Variants in NPAS3 observed in about 807,000 individuals in gnomAD.
The protein encoded by NPAS3 is neuronal PAS domain-containing protein 3.
Under a neutral mutation model 73.1 loss-of-function variants are expected in NPAS3, and 14 were observed. The observed-to-expected ratio is 0.19, with a 90% CI of 0.13 to 0.30. NPAS3 has a LOEUF of 0.30. NPAS3 is among the 10% of genes least tolerant of loss of function. NPAS3 has a pLI of 1.00. For missense variants in NPAS3, 1,096 were observed against 1,250.0 expected (o/e 0.88, Z 1.86); for synonymous variants, 620 against 541.5 (o/e 1.14, Z -2.01).
intron 4 of NPAS3, among the ~76,000 whole-genome samples, chr14:33,454,361 CT>C (rs1476621177): frequency 6.6e-6 from 1 of 152,146 alleles, no homozygotes; most frequent in Non-Finnish European, 1.5e-5. Context: ...AAGTAATTTG[CT>C]TTTAAACATT....
At chr14:33,214,404 A>T (rs1442247084) in intron 2 of NPAS3, 1 of 152,154 alleles carries the variant, frequency 6.6e-6, no homozygotes, top group African/African-American at 2.4e-5. Context: ...AATGTTTATA[A>T]ATTTTAATAA....
intron 1 of NPAS3, among the ~76,000 whole-genome samples, chr14:32,939,810 G>A (rs925896820): frequency 2.6e-5 from 4 of 151,778 alleles, no homozygotes; most frequent in Non-Finnish European, 4.4e-5. Context: ...GGGGAGGGAA[G>A]GCGGCGAGCA....
chr14:33,405,294 C>A (rs2047617208), intron 4 of NPAS3, among the ~76,000 whole-genome samples: 2 of 151,936 alleles, frequency 1.3e-5, no homozygotes, highest in African/African-American at 4.8e-5. Context: ...CAGGAAGAGG[C>A]CATTTCTGAA....
rs1324863469 is a variant in NPAS3 at position 33,800,516 on chromosome 14, G to T, written c.2209G>T (p.Ala737Ser). The change falls in exon 12 of 12, where the codon GCG becomes TCG. Residue 737 changes from alanine (A) to serine (S), a missense_variant. Around this residue, in one of 5 missense-constraint regions of NPAS3, gnomAD observed 698 missense variants for 676.7 expected, o/e 1.03. Coordinates refer to ENST00000356141, the Ensembl canonical transcript of NPAS3. This position sits in a 1 kb window ranked among gnomAD's most constrained non-coding sequence, Gnocchi z 6.5. ...GACTCAGTTCGGCGCCTCGGCCACC[G>T]CGGCCCTGGCCCCCGTCGCCTCCGA... The T allele has an allele frequency of 2.1e-6, 3 of 1,410,184 alleles. No individual in the cohort carries two copies. The Admixed American group carries it at 1.1e-4, about 52-fold the overall frequency. The allele number at this position is 1,410,184 out of a possible 1,614,324, so 87.4% of individuals were successfully genotyped here. A position where few individuals can be genotyped will look rare whatever the true frequency, so the allele number is the denominator to read the frequency against.
intron 6 of NPAS3, among the ~76,000 whole-genome samples, chr14:33,705,189 T>TGTTTTAGA: frequency 6.6e-6 from 1 of 152,356 alleles, no homozygotes; most frequent in East Asian, 1.9e-4. Context: ...AAACATGATC[T>TGTTTTAGA]GTTTTAGAAC....
intron 4 of NPAS3, among the ~76,000 whole-genome samples, chr14:33,529,739 A>T (rs940981956): frequency 5.9e-5 from 9 of 152,068 alleles, no homozygotes; most frequent in Admixed American, 5.9e-4. Flanking sequence ...CACCGTGAAC[A>T]TCCCCAGAAA....
In NPAS3 at chr14:33,760,062, G is replaced by A. The variant is rs192269271; in HGVS notation, c.853-14275G>A. Among the ~76,000 whole-genome samples, 4 of 152,248 alleles carry A rather than the reference G, an allele frequency of 2.6e-5. No homozygotes were observed. The East Asian group carries it at 5.8e-4, about 22-fold the overall frequency. ...GTGACCAAAACAAAACCCACCCCAAGATGTTTTGCCATCCACCTGCCCTTC... is the reference window on the plus strand; with the variant it reads ...GTGACCAAAACAAAACCCACCCCAAAATGTTTTGCCATCCACCTGCCCTTC... On this transcript the variant is annotated intron_variant, in intron 7 of 11. Transcript: ENST00000356141.
intron 5 of NPAS3, among the ~76,000 whole-genome samples, chr14:33,580,613 T>C (rs747314558): frequency 6.4e-4 from 97 of 152,204 alleles, no homozygotes; most frequent in Non-Finnish European, 9.3e-4. Context: ...GGTTGCCTGC[T>C]GCCTCATTTC....
intron 6 of NPAS3, chr14:33,680,915 GATC>G (rs1160295230): frequency 2.1e-6 from 1 of 468,678 alleles, no homozygotes. Flanking sequence ...GTGGCATTAG[GATC>G]ATCATTATAG....
At chr14:32,946,939 C>G (rs576021853) in intron 1 of NPAS3, among the ~76,000 whole-genome samples, 2 of 152,134 alleles carry the variant, frequency 1.3e-5, no homozygotes, top group Non-Finnish European at 2.9e-5. Context: ...ATATTATCAT[C>G]AGTATGCTAA....
At chr14:33,415,562 G>A (rs528443918) in intron 4 of NPAS3, among the ~76,000 whole-genome samples, 11 of 152,186 alleles carry the variant, frequency 7.2e-5, no homozygotes, top group African/African-American at 2.2e-4. Flanking sequence ...TAAATCACAT[G>A]CACCCACAAA....
In NPAS3 at chr14:33,335,989, C is replaced by T. The variant is rs143255810; in HGVS notation, c.386-31197C>T. Among the ~76,000 whole-genome samples, 1,426 of 152,168 alleles carry T rather than the reference C, an allele frequency of 9.4e-3. 8 individuals carry two copies. Among genetic ancestry groups the T allele is most frequent in the Middle Eastern group, 0.024 (7 of 294 alleles). On this transcript the variant is annotated intron_variant, in intron 3 of 11. Transcript: ENST00000356141. ...TGAAATTGCTGAGCTGTGTGGTAAA[C>T]GCATGTTTAATTTTTAAAGAAAATG...
chr14:33,324,404 G>A (rs1292298533), intron 3 of NPAS3, among the ~76,000 whole-genome samples: 1 of 152,154 alleles, frequency 6.6e-6, no homozygotes, highest in African/African-American at 2.4e-5. Context: ...TATAAAGCTG[G>A]AAAGTTAAAT....
intron 1 of NPAS3, among the ~76,000 whole-genome samples, chr14:33,033,016 C>G (rs1183783201): frequency 1.3e-5 from 2 of 152,124 alleles, no homozygotes; most frequent in African/African-American, 2.4e-5. Flanking sequence ...CCTATAGTCT[C>G]TAGATATCCA....
At chr14:33,348,755 A>G (rs560955336) in intron 3 of NPAS3, among the ~76,000 whole-genome samples, 1 of 50,444 alleles carries the variant, frequency 2.0e-5, no homozygotes, top group South Asian at 4.6e-4. Context: ...CTGTGCAGTT[A>G]CACACAGAGA....
intron 3 of NPAS3, among the ~76,000 whole-genome samples, chr14:33,320,537 G>A (rs1028869552): frequency 5.3e-5 from 8 of 152,128 alleles, no homozygotes; most frequent in African/African-American, 1.9e-4. Flanking sequence ...TGTTCAGGTC[G>A]TGAGCATCTC....
chr14:33,185,092 GC>G (rs1291397140), intron 2 of NPAS3, among the ~76,000 whole-genome samples: 1 of 152,126 alleles, frequency 6.6e-6, no homozygotes, highest in African/African-American at 2.4e-5. Context: ...TCCACAAAGG[GC>G]TTATTTGGAT....
chr14:32,955,259 T>C (rs1198362241), intron 1 of NPAS3, among the ~76,000 whole-genome samples: 3 of 152,170 alleles, frequency 2.0e-5, no homozygotes, highest in Admixed American at 2.0e-4. Flanking sequence ...ACAATATATA[T>C]AATTTAATGC....
chr14:33,289,088 G>T (rs1446221910), intron 3 of NPAS3, among the ~76,000 whole-genome samples: 1 of 152,106 alleles, frequency 6.6e-6, no homozygotes, highest in Admixed American at 6.5e-5. Flanking sequence ...TTTTATGTTG[G>T]AGATGCCAAG....
Sources: allele counts gnomAD v4.1 joint callset (sites outside exome capture counted in the v4.1 genomes callset), GRCh38; gene constraint gnomAD v4.1.1; regional missense constraint gnomAD v4.1.1; non-coding constraint Gnocchi (gnomAD v3.1); transcripts MANE v1.5; gene names NCBI Gene and HGNC (gene_info 2026-07-23, HGNC 2026-07-21).